Variants in VTI1A observed in about 807,000 individuals in gnomAD.
The protein encoded by VTI1A is vesicle transport through interaction with t-SNAREs homolog 1A.
VTI1A carries 22 observed loss-of-function variants against 34.9 expected under a neutral mutation model. The ratio of observed to expected loss-of-function variants is 0.63; its 90% CI spans 0.45 to 0.90. VTI1A has a LOEUF of 0.90. Ranked by LOEUF, VTI1A falls within the 40% of genes least tolerant of loss-of-function variation. The pLI is 0.00. For missense variants in VTI1A, 268 were observed against 275.6 expected, an observed-to-expected ratio of 0.97 and a Z score of 0.20; for synonymous variants, 87 against 97.3, an observed-to-expected ratio of 0.89 and a Z score of 0.62.
intron 3 of VTI1A, among the ~76,000 whole-genome samples, chr10:112,518,023 A>G (rs1268422150): frequency 6.6e-6 from 1 of 152,092 alleles, no homozygotes; most frequent in African/African-American, 2.4e-5. Context: ...TGTTGTTGTA[A>G]ACTTTTTATA....
chr10:112,721,226 C>T (rs1849796207), intron 7 of VTI1A, among the ~76,000 whole-genome samples: 1 of 152,182 alleles, frequency 6.6e-6, no homozygotes, highest in Non-Finnish European at 1.5e-5. Context: ...CACATTGCTT[C>T]CTGTGCCATC....
intron 5 of VTI1A, among the ~76,000 whole-genome samples, chr10:112,599,786 C>A (rs745900478): frequency 2.6e-5 from 4 of 152,084 alleles, no homozygotes; most frequent in African/African-American, 9.7e-5. Flanking sequence ...CAGTATGTTG[C>A]CCAGGTTGGT....
intron 3 of VTI1A, among the ~76,000 whole-genome samples, chr10:112,504,584 T>A (rs1485607122): frequency 6.6e-6 from 1 of 152,208 alleles, no homozygotes; most frequent in African/African-American, 2.4e-5. Context: ...CTTTTGCTAT[T>A]GCACATGCTG....
At chr10:112,604,182 A>G (rs1448615204) in intron 5 of VTI1A, among the ~76,000 whole-genome samples, 1 of 152,110 alleles carries the variant, frequency 6.6e-6, no homozygotes, top group African/African-American at 2.4e-5. Context: ...CTGGTTTTAC[A>G]TTTCAGCTGC....
chr10:112,708,839 G>A (rs907940603), intron 7 of VTI1A, among the ~76,000 whole-genome samples: 1 of 152,180 alleles, frequency 6.6e-6, no homozygotes, highest in African/African-American at 2.4e-5. Flanking sequence ...CGTTTGCCGT[G>A]AACATTTCTT....
intron 7 of VTI1A, among the ~76,000 whole-genome samples, chr10:112,746,151 A>G (rs1445387377): frequency 6.6e-6 from 1 of 152,194 alleles, no homozygotes; most frequent in African/African-American, 2.4e-5. Context: ...TTTCATGTCT[A>G]TTTGAAATCA....
At chr10:112,831,500 C>A in the VTI1A span, 1 of 152,160 alleles carries the variant, frequency 6.6e-6, no homozygotes, top group South Asian at 2.1e-4. Context: ...AGTTTGGTCA[C>A]CAAGATTCTC....
chr10:112,750,469 G>C (rs1851062131), intron 7 of VTI1A, among the ~76,000 whole-genome samples: 1 of 152,118 alleles, frequency 6.6e-6, no homozygotes, highest in Non-Finnish European at 1.5e-5. Flanking sequence ...TTCCTCTTCA[G>C]CCTCCCAAAG....
chr10:112,851,589 A>G, the VTI1A span, among the ~76,000 whole-genome samples: 536 of 152,332 alleles, frequency 3.5e-3, 2 homozygotes, highest in African/African-American at 0.011. Context: ...CTGGACATCA[A>G]TTAGTGAGCA....
At chr10:112,747,099 ATC>A (rs1403044167) in intron 7 of VTI1A, among the ~76,000 whole-genome samples, 5 of 152,332 alleles carry the variant, frequency 3.3e-5, no homozygotes, top group African/African-American at 1.2e-4. Context: ...CTGTGCATTT[ATC>A]CACTGTTACA....
chr10:112,546,681 T>TA (rs59631194), intron 5 of VTI1A, among the ~76,000 whole-genome samples: 55 of 152,000 alleles, frequency 3.6e-4, no homozygotes, highest in African/African-American at 7.7e-4. Context: ...CCTTTTTTTT[T>TA]AAAAAAAGAG....
At chr10:112,820,565 G>A (rs895808303), downstream of VTI1A, among the ~76,000 whole-genome samples, 3 of 152,244 alleles carry the variant, frequency 2.0e-5, no homozygotes, top group Non-Finnish European at 2.9e-5. Context: ...AGGTGACTGC[G>A]TGGACAGCTC....
At chr10:112,747,535 A>G (rs568634568) in intron 7 of VTI1A, among the ~76,000 whole-genome samples, 3 of 152,336 alleles carry the variant, frequency 2.0e-5, no homozygotes, top group African/African-American at 7.2e-5. Flanking sequence ...TATTATAACT[A>G]TAGTTTCCGT....
At chr10:112,463,026 G>A (rs562546483) in intron 2 of VTI1A, among the ~76,000 whole-genome samples, 1 of 152,218 alleles carries the variant, frequency 6.6e-6, no homozygotes, top group South Asian at 2.1e-4. Flanking sequence ...CCCAGTTCAA[G>A]CAATTCTCCT....
intron 7 of VTI1A, among the ~76,000 whole-genome samples, chr10:112,716,248 T>C (rs1849609312): frequency 6.6e-6 from 1 of 152,138 alleles, no homozygotes; most frequent in South Asian, 2.1e-4. Context: ...ATATTTGAAA[T>C]GCATGGAGAC....
chr10:112,706,747 G>A (rs763720757), intron 7 of VTI1A, among the ~76,000 whole-genome samples: 2 of 152,050 alleles, frequency 1.3e-5, no homozygotes, highest in Admixed American at 6.6e-5. Flanking sequence ...CTACCAGTGC[G>A]CTACTTCTTC....
At chr10:112,805,523 A>G (rs1160630916) in intron 7 of VTI1A, among the ~76,000 whole-genome samples, 27 of 152,218 alleles carry the variant, frequency 1.8e-4, no homozygotes, top group Admixed American at 1.6e-3. Flanking sequence ...ACCTTAATTT[A>G]TATGTCGAAG....
At chr10:112,522,573 T>A (rs1850066084) in intron 3 of VTI1A, among the ~76,000 whole-genome samples, 1 of 152,108 alleles carries the variant, frequency 6.6e-6, no homozygotes, top group African/African-American at 2.4e-5. Flanking sequence ...AATTCTGTGA[T>A]ACAGATGTTA....
chr10:112,769,328 G>A (rs1590168420), intron 7 of VTI1A, among the ~76,000 whole-genome samples: 1 of 152,236 alleles, frequency 6.6e-6, no homozygotes, highest in East Asian at 1.9e-4. Flanking sequence ...CTTCCTGTAT[G>A]TGGAAGGATT....
Sources: gnomAD v4.1 joint callset for allele counts (sites outside exome capture counted in the v4.1 genomes callset) on GRCh38, gnomAD v4.1.1 for gene constraint, MANE v1.5 for transcripts, NCBI Gene and HGNC (gene_info 2026-07-23, HGNC 2026-07-21) for gene names.